The following ZMAT4 variants were observed in gnomAD, a reference collection of about 807,000 sequenced individuals.
ZMAT4 encodes the protein zinc finger matrin-type protein 4.
Under a neutral mutation model 28.7 loss-of-function variants are expected in ZMAT4, and 17 were observed. The observed-to-expected ratio is 0.59, with a 90% CI of 0.41 to 0.89. The LOEUF (loss-of-function observed/expected upper bound fraction) is 0.89, where lower values mean the gene tolerates loss of function less well. Ranked by LOEUF, ZMAT4 falls within the 40% of genes least tolerant of loss-of-function variation. The pLI is 0.00. For synonymous variants in ZMAT4, 117 were observed against 109.2 expected (o/e 1.07, Z -0.44); for missense variants, 240 against 283.8 (o/e 0.85, Z 1.11).
intron 5 of ZMAT4, among the ~76,000 whole-genome samples, chr8:40,618,817 G>A (rs1259134061): frequency 6.6e-6 from 1 of 152,132 alleles, no homozygotes; most frequent in Non-Finnish European, 1.5e-5. Context: ...TGTTCAAATG[G>A]CATCTTGGTT....
intron 6 of ZMAT4, among the ~76,000 whole-genome samples, chr8:40,570,671 G>C (rs1222849689): frequency 6.6e-6 from 1 of 152,118 alleles, no homozygotes; most frequent in Non-Finnish European, 1.5e-5. Flanking sequence ...CTGCACTCTA[G>C]CCTGGGCAAC....
At chr8:40,886,531 G>A (rs1399691002) in intron 1 of ZMAT4, among the ~76,000 whole-genome samples, 2 of 152,196 alleles carry the variant, frequency 1.3e-5, no homozygotes, top group Admixed American at 6.5e-5. Context: ...GTAAAACCAG[G>A]GTGATGACCA....
At chr8:40,547,154 G>C (rs1314069102) in intron 6 of ZMAT4, among the ~76,000 whole-genome samples, 3 of 152,214 alleles carry the variant, frequency 2.0e-5, no homozygotes, top group African/African-American at 7.2e-5. Flanking sequence ...CTCTTAGCGG[G>C]CTTGCGTGTG....
chr8:40,676,738 A>C (rs1016125718), intron 4 of ZMAT4, among the ~76,000 whole-genome samples: 2 of 152,162 alleles, frequency 1.3e-5, no homozygotes, highest in African/African-American at 4.8e-5. Flanking sequence ...TTTAGATTAA[A>C]CTTAATGGTG....
chr8:40,548,721 TAAAACAAAAC>T (rs564378701), intron 6 of ZMAT4, among the ~76,000 whole-genome samples: 1 of 151,962 alleles, frequency 6.6e-6, no homozygotes, highest in African/African-American at 2.4e-5. Context: ...AATAGAGTCT[TAAAACAAAAC>T]AAAACAAAAC....
intron 3 of ZMAT4, among the ~76,000 whole-genome samples, chr8:40,766,355 G>A (rs1173258146): frequency 6.6e-6 from 1 of 152,230 alleles, no homozygotes; most frequent in Non-Finnish European, 1.5e-5. Context: ...TGCTTGGCAA[G>A]TCACAGTACG....
chr8:40,778,035 C>T (rs920395243), intron 2 of ZMAT4, among the ~76,000 whole-genome samples: 1 of 152,166 alleles, frequency 6.6e-6, no homozygotes, highest in Non-Finnish European at 1.5e-5. Context: ...TTTAAATACT[C>T]GTTAACTATT....
At chr8:40,645,608 G>A (rs968740080) in intron 5 of ZMAT4, among the ~76,000 whole-genome samples, 1 of 152,116 alleles carries the variant, frequency 6.6e-6, no homozygotes, top group African/African-American at 2.4e-5. Flanking sequence ...AAAAACTGGA[G>A]CACCTTAGGA....
intron 2 of ZMAT4, among the ~76,000 whole-genome samples, chr8:40,808,077 G>T (rs1041828268): frequency 1.3e-5 from 2 of 152,034 alleles, no homozygotes; most frequent in Non-Finnish European, 2.9e-5. Context: ...TTATCATATA[G>T]CTTATTATTA....
chr8:40,845,754 CTAGTTCAATACACT>C (rs1816864124), intron 1 of ZMAT4, among the ~76,000 whole-genome samples: 1 of 139,170 alleles, frequency 7.2e-6, no homozygotes, highest in African/African-American at 2.8e-5. Context: ...TTCAACCTCA[CTAGTTCAATACACT>C]TAGTAGTTAA....
intron 1 of ZMAT4, among the ~76,000 whole-genome samples, chr8:40,835,318 T>C (rs1173558810): frequency 6.6e-6 from 1 of 152,234 alleles, no homozygotes; most frequent in Non-Finnish European, 1.5e-5. Flanking sequence ...TTATGTTTCC[T>C]GTCGCTCATT....
intron 4 of ZMAT4, among the ~76,000 whole-genome samples, chr8:40,688,808 T>C (rs538245896): frequency 1.4e-4 from 21 of 152,354 alleles, no homozygotes; most frequent in South Asian, 1.0e-3. Flanking sequence ...TATTTTCTTA[T>C]AGGCTCACTT....
At chr8:40,731,895 A>G (rs958569878) in intron 3 of ZMAT4, among the ~76,000 whole-genome samples, 2 of 152,226 alleles carry the variant, frequency 1.3e-5, no homozygotes. Context: ...TAGCCTTTAA[A>G]AAGAAGGAAT....
chr8:40,611,033 A>G (rs761856621), intron 5 of ZMAT4, among the ~76,000 whole-genome samples: 10 of 151,982 alleles, frequency 6.6e-5, no homozygotes, highest in Non-Finnish European at 1.5e-4. Context: ...GAGTTCTGAG[A>G]ACAGTGGTCT....
intron 1 of ZMAT4, among the ~76,000 whole-genome samples, chr8:40,885,329 C>T (rs1313448122): frequency 6.6e-6 from 1 of 152,082 alleles, no homozygotes; most frequent in African/African-American, 2.4e-5. Flanking sequence ...CAAATCCTGC[C>T]AGCTCTCCCT....
intron 5 of ZMAT4, among the ~76,000 whole-genome samples, chr8:40,640,193 G>C (rs57437612): frequency 2.6e-4 from 39 of 152,198 alleles, no homozygotes; most frequent in African/African-American, 8.9e-4. Context: ...GTCCAGGCTG[G>C]TCTTGAATTC....
At position 40,779,089 on chromosome 8, in the gene ZMAT4, A is replaced by AC. The variant is rs1813719925; in HGVS notation, c.103-11360dup. 1.3e-5 allele frequency among the ~76,000 whole-genome samples: 2 copies of AC among 151,978 alleles called. 1 individual carries two copies. The highest frequency in any genetic ancestry group is 4.2e-4 in the South Asian group (2 of 4,802). On this transcript the variant is annotated intron_variant, in intron 2 of 6. Coordinates refer to ENST00000297737, the MANE Select transcript of ZMAT4 (RefSeq NM_024645.3). ...TCCCATAATTCATGTTGTGGGAGGGACCTGGTGGGAGATAATTGAATCATG... is the reference window on the plus strand; with the variant it reads ...TCCCATAATTCATGTTGTGGGAGGGACCCTGGTGGGAGATAATTGAATCATG...
intron 6 of ZMAT4, among the ~76,000 whole-genome samples, chr8:40,565,462 C>T (rs188875559): frequency 1.2e-3 from 174 of 150,344 alleles, no homozygotes; most frequent in African/African-American, 3.9e-3. Flanking sequence ...CTGCAACCCC[C>T]GCCTCCCAGA....
At position 40,811,125 on chromosome 8, in the gene ZMAT4, G is replaced by A. The variant is rs193085125; in HGVS notation, c.102+14450C>T. 1.1e-4 allele frequency among the ~76,000 whole-genome samples: 16 copies of A among 152,276 alleles called. No individual in the cohort carries two copies. In the East Asian group the frequency reaches 3.1e-3, roughly 29 times the overall value. On this transcript the variant is annotated intron_variant, in intron 2 of 6. Transcript: ENST00000297737. ...TTCAGTAATAATATACCTTACGGTGGCTGTATATTCATCTGTTCCATGAAA... is the reference window on the plus strand; with the variant it reads ...TTCAGTAATAATATACCTTACGGTGACTGTATATTCATCTGTTCCATGAAA...
Sources: allele counts gnomAD v4.1 joint callset (sites outside exome capture counted in the v4.1 genomes callset), GRCh38; gene constraint gnomAD v4.1.1; transcripts MANE v1.5; gene names NCBI Gene and HGNC (gene_info 2026-07-23, HGNC 2026-07-21).